ALKBH8: variants seen among roughly 807,000 people sequenced by gnomAD.
ALKBH8 encodes the protein alkB homolog 8, tRNA methyltransferase, also known as tRNA (carboxymethyluridine(34)-5-O)-methyltransferase ALKBH8.
In ALKBH8, 36 loss-of-function variants were observed where a neutral mutation model predicts 59.8. The ratio of observed to expected loss-of-function variants is 0.60; its 90% CI spans 0.46 to 0.79. The LOEUF (loss-of-function observed/expected upper bound fraction) is 0.79. Ranked by LOEUF, ALKBH8 falls within the 30% of genes least tolerant of loss-of-function variation. The pLI is 0.00. For synonymous variants in ALKBH8, 276 were observed against 273.6 expected, an observed-to-expected ratio of 1.01 and a Z score of -0.09; for missense variants, 768 against 801.0, an observed-to-expected ratio of 0.96 and a Z score of 0.50.
At chr11:107,549,731 G>A in intron 7 of ALKBH8, 22 bp downstream of exon 7, 1 of 1,491,558 alleles carries the variant, frequency 6.7e-7, no homozygotes, top group Non-Finnish European at 9.1e-7. Flanking sequence ...TATGATGATA[G>A]CTAATAAAAA....
At chr11:107,515,283 G>C (rs1862815297) in intron 10 of ALKBH8, among the ~76,000 whole-genome samples, 1 of 152,156 alleles carries the variant, frequency 6.6e-6, no homozygotes, top group Non-Finnish European at 1.5e-5. Flanking sequence ...TATATTCAAG[G>C]ACTTGCGTAA....
chr11:107,528,986 A>ATG (rs1254484558), intron 8 of ALKBH8, among the ~76,000 whole-genome samples: 2 of 152,212 alleles, frequency 1.3e-5, no homozygotes, highest in Non-Finnish European at 2.9e-5. Context: ...AAAGAGCTAT[A>ATG]TGTTAACAGA....
chr11:107,520,765 G>A (rs1863076944), intron 10 of ALKBH8, among the ~76,000 whole-genome samples: 1 of 152,136 alleles, frequency 6.6e-6, no homozygotes, highest in Non-Finnish European at 1.5e-5. Flanking sequence ...TTATCTTGAT[G>A]AAAGGCTATT....
At chr11:107,525,695 T>A (rs944244322) in intron 8 of ALKBH8, 103 bp from the exon 9 acceptor site, 4 of 773,648 alleles carry the variant, frequency 5.2e-6, no homozygotes, top group Admixed American at 3.9e-5. Context: ...AAGAATTTAT[T>A]ACAAATATCT....
At chr11:107,518,427 A>G (rs1862961877) in intron 10 of ALKBH8, among the ~76,000 whole-genome samples, 1 of 152,192 alleles carries the variant, frequency 6.6e-6, no homozygotes, top group African/African-American at 2.4e-5. Flanking sequence ...AGGCCCCCCA[A>G]AATCTGGCCA....
At chr11:107,557,344 G>C (rs1425372776) in intron 2 of ALKBH8, among the ~76,000 whole-genome samples, 1 of 152,108 alleles carries the variant, frequency 6.6e-6, no homozygotes. Flanking sequence ...AGAAAGGACA[G>C]TTACATAACA....
chr11:107,550,406 T>G (rs1463718207), intron 6 of ALKBH8, among the ~76,000 whole-genome samples: 6 of 152,238 alleles, frequency 3.9e-5, no homozygotes, highest in African/African-American at 1.4e-4. Flanking sequence ...CCTGGCTGAC[T>G]AGTTAATCTG....
Position 107,549,791 on chromosome 11 carries a change from A to T in ALKBH8, c.733T>A (p.Phe245Ile). ...CTGAGAGAAACGATCTCATCCTCAA[A>T]AGCGGAATGTGTATCAATATGAGCG... ...IPAHIDTHSAFEDEIVSLSLG... is the reference protein window; with the variant it reads ...IPAHIDTHSAIEDEIVSLSLG... Residue 245 changes from phenylalanine to isoleucine, a missense_variant, in exon 7 of 12, where the codon TTT becomes ATT. Phe to Ile is a conservative substitution (Grantham distance 21). Coordinates refer to ENST00000428149, the MANE Select transcript of ALKBH8 (RefSeq NM_138775.3). 6.5e-7 allele frequency: 1 copy of T among 1,550,322 alleles called. No individual in the cohort carries two copies. The highest frequency in any genetic ancestry group is 8.7e-7 in the Non-Finnish European group (1 of 1,145,928).
rs1435170698 is a variant in ALKBH8, at chr11:107,522,797, C to A, written c.1031-242G>T. Among the ~76,000 whole-genome samples, 5 of 151,372 alleles carry A rather than the reference C, an allele frequency of 3.3e-5. No individual in the cohort carries two copies. In the South Asian group the frequency reaches 1.0e-3, roughly 32 times the overall value. ...CTCCAGCACAGGTGACAGAGCAAGA[C>A]GGTCTTTAAAAAAAGACAAAAAAAT... is the stretch of plus-strand genomic sequence containing the variant. On this transcript the variant is annotated intron_variant, in intron 9 of 11. Coordinates refer to ENST00000428149, the MANE Select transcript of ALKBH8 (RefSeq NM_138775.3).
At position 107,503,357 on chromosome 11, in the gene ALKBH8, T is replaced by G. The variant is rs538630580; in HGVS notation, c.*1301A>C. On this transcript the variant is annotated 3_prime_UTR_variant, in exon 12 of 12. Transcript: ENST00000428149. Reference sequence around the variant, plus strand: ...TCACTATAGGTTTCTGAAAACTTGATGCTTCAAGATTAAGTATCACTAGCA... The same window carrying G: ...TCACTATAGGTTTCTGAAAACTTGAGGCTTCAAGATTAAGTATCACTAGCA... 11 of 152,308 alleles carry G rather than the reference T, an allele frequency of 7.2e-5. No homozygotes were observed. The East Asian group carries it at 1.2e-3, about 16-fold the overall frequency. 9.4% of individuals were successfully genotyped at this position (152,308 alleles called of 1,614,324 possible).
intron 10 of ALKBH8, among the ~76,000 whole-genome samples, chr11:107,511,496 G>A (rs1210119899): frequency 6.6e-6 from 1 of 151,976 alleles, no homozygotes; most frequent in Non-Finnish European, 1.5e-5. Context: ...AGAAGGATAG[G>A]CAATTTTTTT....
chr11:107,561,359 T>C (rs1864931402), intron 1 of ALKBH8, among the ~76,000 whole-genome samples: 1 of 151,990 alleles, frequency 6.6e-6, no homozygotes, highest in African/African-American at 2.4e-5. Flanking sequence ...CATATATTAT[T>C]TAGAAATACA....
In ALKBH8 at chr11:107,510,953, T is replaced by C. The variant is rs1398625976; in HGVS notation, c.1371A>G (p.Val457=). 6.4e-7 allele frequency: 1 copy of C among 1,551,848 alleles called. No individual in the cohort carries two copies. Among genetic ancestry groups the C allele is most frequent in the Non-Finnish European group, 8.7e-7 (1 of 1,146,982 alleles). The change falls in exon 11 of 12, where the codon GTA becomes GTG. Residue 457 remains valine (V), a synonymous_variant. Coordinates refer to ENST00000428149, the MANE Select transcript of ALKBH8 (RefSeq NM_138775.3). ...FQAFVCDALA[V]PVRSGSCDAC... ...CATCACAAGACCCACTGCGGACTGG[T>C]ACTGCCAATGCATCACAGACAAAAG...
chr11:107,528,058 C>T (rs1863426683), intron 8 of ALKBH8, among the ~76,000 whole-genome samples: 1 of 152,052 alleles, frequency 6.6e-6, no homozygotes, highest in African/African-American at 2.4e-5. Context: ...CTTTTTGCAT[C>T]AATCAAGATG....
intron 2 of ALKBH8, among the ~76,000 whole-genome samples, chr11:107,557,595 T>C (rs999266717): frequency 5.3e-5 from 8 of 152,196 alleles, no homozygotes; most frequent in Non-Finnish European, 1.2e-4. Flanking sequence ...GTAAAGGTAC[T>C]ATTACCTCAA....
At chr11:107,505,277 C>T in intron 11 of ALKBH8, 62 bp from the exon 12 acceptor site, 1 of 1,325,942 alleles carries the variant, frequency 7.5e-7, no homozygotes, top group Non-Finnish European at 1.0e-6. Context: ...GAAAATAAAA[C>T]TGACCATAGG....
intron 7 of ALKBH8, among the ~76,000 whole-genome samples, chr11:107,534,757 C>CTT (rs35760148): frequency 0.46 from 68,281 of 147,788 alleles, 16,853 homozygotes; most frequent in Non-Finnish European, 0.56. Context: ...CATTCCTCAT[C>CTT]TTTTTTTTTT....
intron 7 of ALKBH8, among the ~76,000 whole-genome samples, chr11:107,547,238 A>G (rs951574628): frequency 2.0e-5 from 3 of 152,250 alleles, no homozygotes; most frequent in Non-Finnish European, 2.9e-5. Flanking sequence ...GGCCAAAGGT[A>G]TAGTACTCAG....
At position 107,525,074 on chromosome 11, in the gene ALKBH8, G is replaced by A. The variant is rs538002481; in HGVS notation, c.1030+367C>T. On this transcript the variant is annotated intron_variant, in intron 9 of 11. Coordinates refer to ENST00000428149, the MANE Select transcript of ALKBH8 (RefSeq NM_138775.3). ...TCCAACTTCCCTGTTGGATTAATAAGATATAATTTAGAAACTTGACAAACC... is the reference window on the plus strand; with the variant it reads ...TCCAACTTCCCTGTTGGATTAATAAAATATAATTTAGAAACTTGACAAACC... Among the ~76,000 whole-genome samples, 44 of 152,228 alleles carry A rather than the reference G, an allele frequency of 2.9e-4. No homozygotes were observed. The South Asian group carries it at 6.4e-3, about 22-fold the overall frequency.
Sources: allele counts gnomAD v4.1 joint callset (sites outside exome capture counted in the v4.1 genomes callset), GRCh38; gene constraint gnomAD v4.1.1; transcripts MANE v1.5; gene names NCBI Gene and HGNC (gene_info 2026-07-23, HGNC 2026-07-21).